The following PVT1 variants were observed in gnomAD, a reference collection of about 807,000 sequenced individuals.
PVT1 encodes the protein Pvt1 oncogene.
At chr8:128,062,183 C>T (rs1038291879) in intron 4 of PVT1, among the ~76,000 whole-genome samples, 2 of 152,184 alleles carry the variant, frequency 1.3e-5, no homozygotes, top group East Asian at 1.9e-4. Flanking sequence ...AGGGCTGCCC[C>T]CTGCGGTGCA....
At chr8:128,009,646 A>G (rs947137642) in intron 4 of PVT1, 2 of 152,272 alleles carry the variant, frequency 1.3e-5, no homozygotes, top group South Asian at 2.1e-4. Context: ...GATATACCCA[A>G]TAAAAGCAGT....
chr8:127,878,251 G>A (rs912348033), intron 2 of PVT1, among the ~76,000 whole-genome samples: 8 of 152,182 alleles, frequency 5.3e-5, no homozygotes, highest in South Asian at 2.1e-4. Flanking sequence ...ACTCTTCTTC[G>A]TCATTTCAGC....
At position 127,992,612 on chromosome 8, in the gene PVT1, C is replaced by A. The variant is rs78620423; in HGVS notation, n.912+3321C>A. On this transcript the variant is annotated intron_variant and non_coding_transcript_variant, in intron 4 of 10. Transcript: ENST00000651587. Reference sequence around the variant, plus strand: ...GTTGTGAGGATGACGGAACCTTGCCCGAGGAAATGGGCAATGAACAGGAGC... The same window carrying A: ...GTTGTGAGGATGACGGAACCTTGCCAGAGGAAATGGGCAATGAACAGGAGC... 2.6e-3 allele frequency among the ~76,000 whole-genome samples: 397 copies of A among 152,206 alleles called. 10 individuals carry two copies. The East Asian group carries it at 0.063, about 24-fold the overall frequency.
chr8:128,058,580 T>A (rs540432488), intron 4 of PVT1, among the ~76,000 whole-genome samples: 2 of 152,358 alleles, frequency 1.3e-5, no homozygotes, highest in Non-Finnish European at 2.9e-5. Flanking sequence ...TTTGTATTTT[T>A]CTAAGTGTCT....
intron 2 of PVT1, among the ~76,000 whole-genome samples, chr8:127,834,970 A>T (rs1028020091): frequency 3.3e-5 from 5 of 152,180 alleles, no homozygotes; most frequent in Admixed American, 3.3e-4. Context: ...GGATGTGGAG[A>T]AATAGGGACG....
intron 2 of PVT1, among the ~76,000 whole-genome samples, chr8:127,864,170 G>A (rs1815259331): frequency 6.6e-6 from 1 of 152,160 alleles, no homozygotes; most frequent in South Asian, 2.1e-4. Flanking sequence ...TGGGGGTGGG[G>A]CAGGAAAGAA....
intron 2 of PVT1, among the ~76,000 whole-genome samples, chr8:127,868,782 T>TATATACGTATATATATATGTATATAC (rs1563625654): frequency 4.3e-4 from 26 of 60,618 alleles, no homozygotes; most frequent in East Asian, 1.4e-3. Flanking sequence ...TATATATATA[T>TATATACGTATATATATATGTATATAC]ATATATATAT....
intron 3 of PVT1, among the ~76,000 whole-genome samples, chr8:127,975,496 A>T (rs550968695): frequency 6.6e-6 from 1 of 152,316 alleles, no homozygotes; most frequent in East Asian, 1.9e-4. Flanking sequence ...TTCCATGTGG[A>T]TGCCTTCAAG....
At chr8:127,937,580 C>CACACACACAG (rs59006608) in intron 3 of PVT1, among the ~76,000 whole-genome samples, 4 of 107,788 alleles carry the variant, frequency 3.7e-5, no homozygotes, top group African/African-American at 7.4e-5. Flanking sequence ...CACACACACA[C>CACACACACAG]AGAGAGAGAG....
At chr8:127,887,806 G>C (rs111302042) in intron 2 of PVT1, among the ~76,000 whole-genome samples, 1 of 151,650 alleles carries the variant, frequency 6.6e-6, no homozygotes, top group Admixed American at 6.6e-5. Context: ...GGATTTACAG[G>C]CATGAGCCAC....
chr8:127,915,067 C>T (rs10098616), intron 3 of PVT1, among the ~76,000 whole-genome samples: 8,939 of 151,792 alleles, frequency 0.059, 782 homozygotes, highest in African/African-American at 0.19. Flanking sequence ...TCAGGTGATC[C>T]ACCCACCTCG....
intron 3 of PVT1, among the ~76,000 whole-genome samples, chr8:127,937,578 C>CAGAGAGAGAG (rs1296575228): frequency 0.011 from 1,305 of 119,146 alleles, 7 homozygotes; most frequent in Admixed American, 0.019. Context: ...CACACACACA[C>CAGAGAGAGAG]ACAGAGAGAG....
At chr8:127,986,569 C>G (rs546820459) in intron 3 of PVT1, among the ~76,000 whole-genome samples, 1 of 152,208 alleles carries the variant, frequency 6.6e-6, no homozygotes, top group East Asian at 1.9e-4. Flanking sequence ...TCCCATCAGA[C>G]CTTCCTCTTC....
intron 2 of PVT1, among the ~76,000 whole-genome samples, chr8:127,876,739 C>T (rs993377087): frequency 2.6e-5 from 4 of 152,204 alleles, no homozygotes; most frequent in Non-Finnish European, 5.9e-5. Context: ...CAGTTTTCCA[C>T]AACTCCTGTC....
At chr8:127,956,432 G>T (rs368368433) in intron 3 of PVT1, among the ~76,000 whole-genome samples, 1 of 152,258 alleles carries the variant, frequency 6.6e-6, no homozygotes, top group Non-Finnish European at 1.5e-5. Flanking sequence ...TCCAGGTTCC[G>T]TGGTGAAGGG....
At chr8:127,803,612 G>C (rs1015304007) in intron 2 of PVT1, 22 of 152,276 alleles carry the variant, frequency 1.4e-4, no homozygotes, top group African/African-American at 5.3e-4. Flanking sequence ...ATATGGGCCA[G>C]GCACTGTGGC....
intron 3 of PVT1, among the ~76,000 whole-genome samples, chr8:127,975,121 T>A (rs913720579): frequency 2.0e-5 from 3 of 152,254 alleles, no homozygotes; most frequent in Admixed American, 6.5e-5. Flanking sequence ...AAGGGTGCCA[T>A]GAGCATCTTC....
At chr8:128,002,201 C>G (rs9297770) in intron 4 of PVT1, among the ~76,000 whole-genome samples, 2,122 of 152,296 alleles carry the variant, frequency 0.014, 32 homozygotes, top group African/African-American at 0.044. Context: ...TAATCCCCAA[C>G]AGGCGCCTGA....
chr8:128,090,194 A>G (rs1462633743), intron 5 of PVT1, among the ~76,000 whole-genome samples: 2 of 152,174 alleles, frequency 1.3e-5, no homozygotes, highest in African/African-American at 4.8e-5. Flanking sequence ...TTCTATATTT[A>G]TGGAATTCGT....
Sources: gnomAD v4.1 joint callset for allele counts (sites outside exome capture counted in the v4.1 genomes callset) on GRCh38, gnomAD v4.1.1 for gene constraint, MANE v1.5 for transcripts, NCBI Gene and HGNC (gene_info 2026-07-23, HGNC 2026-07-21) for gene names.